Variants in PIK3C2G observed in about 807,000 individuals in gnomAD.
The protein encoded by PIK3C2G is phosphatidylinositol-4-phosphate 3-kinase catalytic subunit type 2 gamma.
A neutral mutation model predicts 181.1 loss-of-function variants in PIK3C2G; 168 were observed. The observed-to-expected ratio is 0.93, with a 90% CI of 0.82 to 1.05. PIK3C2G has a LOEUF of 1.05. Among genes scored for constraint, PIK3C2G ranks in the 50% least tolerant of loss-of-function variants. The pLI is 0.00. For missense variants in PIK3C2G, 1,869 were observed against 1,732.8 expected, an observed-to-expected ratio of 1.08 and a Z score of -1.40; for synonymous variants, 573 against 592.2, an observed-to-expected ratio of 0.97 and a Z score of 0.47.
At position 18,528,599 on chromosome 12, in the gene PIK3C2G, G is replaced by C. The variant is rs7297222; in HGVS notation, c.3324-9557G>C. 7.4e-3 allele frequency among the ~76,000 whole-genome samples: 1,121 copies of C among 152,212 alleles called. 13 individuals carry two copies. Among genetic ancestry groups the C allele is most frequent in the African/African-American group, 0.025 (1,059 of 41,554 alleles). ...TATCAGTTGCTCAAATAAAATACTG[G>C]ATAAACTAAACTATAAGAGGAAGAA... On this transcript the variant is annotated intron_variant, in intron 24 of 32. Coordinates refer to ENST00000538779, the MANE Select transcript of PIK3C2G (RefSeq NM_001288772.2).
intron 24 of PIK3C2G, among the ~76,000 whole-genome samples, chr12:18,535,419 A>G (rs545186551): frequency 9.1e-4 from 139 of 152,152 alleles, no homozygotes; most frequent in Non-Finnish European, 1.5e-3. Flanking sequence ...TTTAATTTGT[A>G]TATGTTTCTT....
At chr12:18,717,972 G>C in the PIK3C2G span, among the ~76,000 whole-genome samples, 838 of 152,236 alleles carry the variant, frequency 5.5e-3, 5 homozygotes, top group Non-Finnish European at 8.7e-3. Context: ...GCAGCAGTGA[G>C]CTACAGATCC....
intron 24 of PIK3C2G, among the ~76,000 whole-genome samples, chr12:18,520,966 T>C (rs1942875149): frequency 6.6e-6 from 1 of 151,882 alleles, no homozygotes; most frequent in Admixed American, 6.5e-5. Context: ...TTGCATTCTG[T>C]TTGTTTGTTT....
At chr12:18,650,696 G>C (rs1420812104), downstream of PIK3C2G, among the ~76,000 whole-genome samples, 1 of 43,704 alleles carries the variant, frequency 2.3e-5, no homozygotes, top group Admixed American at 3.1e-4. Context: ...GTGTGTGTGT[G>C]TGTGTGTGTA....
intron 13 of PIK3C2G, among the ~76,000 whole-genome samples, chr12:18,378,664 C>T (rs1225142545): frequency 6.6e-6 from 1 of 152,018 alleles, no homozygotes; most frequent in Non-Finnish European, 1.5e-5. Context: ...CTCAAATTTA[C>T]AAGAAAAAAA....
chr12:18,567,687 AGGTGGTCTG>A (rs899939156), intron 29 of PIK3C2G, among the ~76,000 whole-genome samples: 4 of 151,856 alleles, frequency 2.6e-5, no homozygotes, highest in African/African-American at 9.7e-5. Context: ...GATTAAACAG[AGGTGGTCTG>A]GGGAAGTGTC....
At chr12:18,583,283 G>A (rs1165000988) in intron 29 of PIK3C2G, among the ~76,000 whole-genome samples, 1 of 152,052 alleles carries the variant, frequency 6.6e-6, no homozygotes, top group Non-Finnish European at 1.5e-5. Context: ...TTCACTGTAG[G>A]TGCTGAAAAA....
chr12:18,501,725 T>TA (rs1163690901), intron 22 of PIK3C2G, among the ~76,000 whole-genome samples: 2 of 152,246 alleles, frequency 1.3e-5, no homozygotes, highest in Non-Finnish European at 2.9e-5. Flanking sequence ...ATAAATTAGA[T>TA]ACAAGGTTTT....
At chr12:18,246,264 G>A (rs946525531), upstream of PIK3C2G, among the ~76,000 whole-genome samples, 10 of 152,004 alleles carry the variant, frequency 6.6e-5, no homozygotes, top group African/African-American at 2.2e-4. Flanking sequence ...AAGCATAGCT[G>A]GTTAAATATA....
chr12:18,524,530 CT>C (rs1223634163), intron 24 of PIK3C2G, among the ~76,000 whole-genome samples: 1 of 150,192 alleles, frequency 6.7e-6, no homozygotes, highest in Non-Finnish European at 1.5e-5. Context: ...ATGGTGTGAC[CT>C]TAAACTAGTG....
At chr12:18,499,846 C>A (rs1941287558) in intron 22 of PIK3C2G, among the ~76,000 whole-genome samples, 2 of 152,250 alleles carry the variant, frequency 1.3e-5, no homozygotes, top group South Asian at 2.1e-4. Flanking sequence ...GCACTGACAT[C>A]ACCTAGGAAC....
intron 25 of PIK3C2G, among the ~76,000 whole-genome samples, chr12:18,540,366 A>C (rs996533650): frequency 6.6e-6 from 1 of 151,918 alleles, no homozygotes. Flanking sequence ...CAAAACAGAA[A>C]AGCACAAATA....
intron 18 of PIK3C2G, among the ~76,000 whole-genome samples, chr12:18,455,886 G>A (rs1376187925): frequency 3.3e-5 from 5 of 152,232 alleles, no homozygotes; most frequent in Middle Eastern, 3.4e-3. Context: ...TAGCATTCAC[G>A]CATTCATTAT....
downstream of PIK3C2G, among the ~76,000 whole-genome samples, chr12:18,649,567 G>A (rs545039329): frequency 3.0e-4 from 46 of 152,080 alleles, no homozygotes; most frequent in African/African-American, 1.1e-3. Context: ...GCTCCTCTTT[G>A]CAGCAAAACT....
intron 32 of PIK3C2G, among the ~76,000 whole-genome samples, chr12:18,644,476 G>C (rs1265687673): frequency 6.6e-6 from 1 of 152,000 alleles, no homozygotes; most frequent in Non-Finnish European, 1.5e-5. Flanking sequence ...ATATTATTCT[G>C]TTGTAAGGTG....
chr12:18,383,755 C>T (rs1032890207), intron 14 of PIK3C2G, among the ~76,000 whole-genome samples: 2 of 150,834 alleles, frequency 1.3e-5, no homozygotes, highest in African/African-American at 4.9e-5. Context: ...TAGAAAATGC[C>T]TTAAAAAAAC....
chr12:18,528,716 T>C (rs1943379434), intron 24 of PIK3C2G, among the ~76,000 whole-genome samples: 1 of 152,190 alleles, frequency 6.6e-6, no homozygotes, highest in Non-Finnish European at 1.5e-5. Context: ...CATATCTCCA[T>C]ATCCCCTGCC....
intron 31 of PIK3C2G, among the ~76,000 whole-genome samples, chr12:18,627,142 A>T: frequency 6.6e-6 from 1 of 150,772 alleles, no homozygotes; most frequent in African/African-American, 2.4e-5. Context: ...CTTCAGTGTG[A>T]TTTCACTGGC....
intron 31 of PIK3C2G, among the ~76,000 whole-genome samples, chr12:18,629,624 T>C (rs967236547): frequency 1.3e-5 from 2 of 152,172 alleles, no homozygotes; most frequent in African/African-American, 4.8e-5. Context: ...TGGCGTGTAA[T>C]TGCCTAATAT....
Sources: allele counts gnomAD v4.1 joint callset (sites outside exome capture counted in the v4.1 genomes callset), GRCh38; gene constraint gnomAD v4.1.1; transcripts MANE v1.5; gene names NCBI Gene and HGNC (gene_info 2026-07-23, HGNC 2026-07-21).